The following BBOF1 variants were observed in gnomAD, a reference collection of about 807,000 sequenced individuals.
The protein encoded by BBOF1 is basal body-orientation factor 1.
Under a neutral mutation model 68.0 loss-of-function variants are expected in BBOF1, and 62 were observed. That is an observed-to-expected ratio of 0.91 (90% CI 0.74 to 1.13). The LOEUF (loss-of-function observed/expected upper bound fraction) is 1.13. Ranked by LOEUF, BBOF1 falls within the 50% of genes most tolerant of loss-of-function variation. BBOF1 has a pLI of 0.00. For synonymous variants in BBOF1, 208 were observed against 198.8 expected (o/e 1.05, Z -0.39); for missense variants, 534 against 600.1 (o/e 0.89, Z 1.15).
chr14:74,077,642 C>CA, intron 9 of BBOF1, among the ~76,000 whole-genome samples: 1 of 152,214 alleles, frequency 6.6e-6, no homozygotes, highest in East Asian at 1.9e-4. Context: ...AGAATTCACT[C>CA]ACTACAGCAC....
At chr14:74,068,800 G>A (rs2060508215), downstream of BBOF1, 7 of 1,593,850 alleles carry the variant, frequency 4.4e-6, no homozygotes, top group South Asian at 1.1e-5. Flanking sequence ...CTGAAGGTCT[G>A]TTCCTAGGTA....
Position 74,056,886 on chromosome 14 carries a change from T to C in BBOF1, c.1389-20T>C, listed in dbSNP as rs2060223884. 1.3e-6 allele frequency: 2 copies of C among 1,574,160 alleles called. No individual in the cohort carries two copies. The highest frequency in any genetic ancestry group is 1.7e-6 in the Non-Finnish European group (2 of 1,145,630). On this transcript the variant is annotated intron_variant, in intron 9 of 11. Transcript: ENST00000394009. ...GACACTGCCTCATTCATTATCTTTG[T>C]TGACTTTTACCCACTACAGGAAATA...
intron 11 of BBOF1, among the ~76,000 whole-genome samples, chr14:74,062,324 G>A (rs760011597): frequency 2.0e-5 from 3 of 151,456 alleles, no homozygotes; most frequent in Non-Finnish European, 2.9e-5. Flanking sequence ...TGACTAGGCC[G>A]GGTGCGGTGA....
At chr14:74,024,582 A>G (rs112162624) in intron 2 of BBOF1, among the ~76,000 whole-genome samples, 5,464 of 152,200 alleles carry the variant, frequency 0.036, 288 homozygotes, top group African/African-American at 0.12. Flanking sequence ...CTCCTGCCTC[A>G]GTCTTCCAAG....
chr14:74,057,026 G>A, intron 10 of BBOF1, 46 bp downstream of exon 10: 2 of 1,582,182 alleles, frequency 1.3e-6, no homozygotes, highest in Non-Finnish European at 1.7e-6. Flanking sequence ...CCAACACGAT[G>A]GTTCTTGTGG....
chr14:74,024,308 T>C (rs2059375789), intron 2 of BBOF1, among the ~76,000 whole-genome samples: 1 of 151,778 alleles, frequency 6.6e-6, no homozygotes. Context: ...AAGTAAAAAA[T>C]AGCCAGGCGT....
chr14:74,067,450 G>C (rs775658691), downstream of BBOF1: 5 of 1,614,180 alleles, frequency 3.1e-6, no homozygotes, highest in South Asian at 5.5e-5. Context: ...CTCCCACAAG[G>C]ACTGCTGTTG....
downstream of BBOF1, among the ~76,000 whole-genome samples, chr14:74,070,208 T>C (rs746711279): frequency 6.6e-6 from 1 of 152,084 alleles, no homozygotes; most frequent in Non-Finnish European, 1.5e-5. Context: ...TACTGAACCC[T>C]TCTTTTTTGT....
Position 74,057,226 on chromosome 14 carries a change from A to G in BBOF1, c.1546A>G (p.Thr516Ala), listed in dbSNP as rs1456059534. ...CTCTTCTGGTGAAGTGGTGCTACCCACTATTCCAAAAGAACCTCAGGAGTC... is the reference window on the plus strand; with the variant it reads ...CTCTTCTGGTGAAGTGGTGCTACCCGCTATTCCAAAAGAACCTCAGGAGTC... ...SDSSGEVVLP[T>A]IPKEPQESDT... The change falls in exon 11 of 12, where the codon ACT (threonine) becomes GCT (alanine). Residue 516 changes from threonine (T) to alanine (A), a missense_variant. Coordinates refer to ENST00000394009, the MANE Select transcript of BBOF1 (RefSeq NM_025057.3). 2.5e-6 allele frequency: 4 copies of G among 1,614,024 alleles called. No homozygotes were observed. The highest frequency in any genetic ancestry group is 1.3e-5 in the African/African-American group (1 of 74,946).
intron 9 of BBOF1, among the ~76,000 whole-genome samples, chr14:74,056,397 A>G (rs111348444): frequency 0.016 from 2,440 of 151,726 alleles, 68 homozygotes; most frequent in African/African-American, 0.056. Context: ...ATGGAGTTTT[A>G]CCATGTTATC....
intron 3 of BBOF1, among the ~76,000 whole-genome samples, chr14:74,031,188 A>C (rs1382551995): frequency 2.0e-5 from 3 of 150,632 alleles, no homozygotes; most frequent in Non-Finnish European, 4.4e-5. Flanking sequence ...ATCATGGCTC[A>C]CTGTAACCTC....
chr14:74,059,421 T>C (rs1488222384), intron 11 of BBOF1: 7 of 455,244 alleles, frequency 1.5e-5, no homozygotes, highest in African/African-American at 1.4e-4. Context: ...TCTGGCTGGG[T>C]GTGGTGGCTC....
intron 1 of BBOF1, among the ~76,000 whole-genome samples, chr14:74,020,935 T>C (rs2059274503): frequency 6.6e-6 from 1 of 152,184 alleles, no homozygotes. Context: ...GGAATGGAGC[T>C]GGCCTTAATT....
intron 2 of BBOF1, among the ~76,000 whole-genome samples, chr14:74,023,448 T>C (rs560885257): frequency 6.6e-6 from 1 of 152,330 alleles, no homozygotes; most frequent in East Asian, 1.9e-4. Flanking sequence ...GATCTATATA[T>C]TTTTTGATGC....
intron 1 of BBOF1, among the ~76,000 whole-genome samples, chr14:74,020,534 G>A (rs1424188205): frequency 6.7e-6 from 1 of 149,286 alleles, no homozygotes; most frequent in East Asian, 2.0e-4. Context: ...ACCAAGTTTT[G>A]CTCTTGTTGC....
At chr14:74,079,780 G>C (rs2060653321) in intron 10 of BBOF1, among the ~76,000 whole-genome samples, 1 of 152,130 alleles carries the variant, frequency 6.6e-6, no homozygotes. Flanking sequence ...TGTTGGCCAG[G>C]CTGGTCTTGA....
At position 74,046,113 on chromosome 14, in the gene BBOF1, C is replaced by T. The variant is rs141857440; in HGVS notation, c.630C>T (p.Ala210=). The T allele has an allele frequency of 1.2e-5, 19 of 1,607,764 alleles. No individual in the cohort carries two copies. Among genetic ancestry groups the T allele is most frequent in the Non-Finnish European group, 1.4e-5 (17 of 1,177,146 alleles). ...AGATAATAATGCTAGCAGAGAGAGC[C>T]CACCATGAGGCTATTGTGTAAGAGA... ...EKKIIMLAER[A]HHEAIVQLND... Residue 210 remains alanine, a synonymous_variant, in exon 6 of 12, where the codon GCC becomes GCT. Coordinates refer to ENST00000394009, the MANE Select transcript of BBOF1 (RefSeq NM_025057.3).
chr14:74,057,762 A>G, intron 11 of BBOF1: 1 of 1,129,176 alleles, frequency 8.9e-7, no homozygotes, highest in Non-Finnish European at 1.1e-6. Flanking sequence ...AACAAAAAGA[A>G]AATACTGACT....
chr14:74,029,853 C>G (rs1292259651), intron 3 of BBOF1, among the ~76,000 whole-genome samples: 1 of 152,038 alleles, frequency 6.6e-6, no homozygotes, highest in African/African-American at 2.4e-5. Context: ...GATCATGACT[C>G]TATACTAATA....
Sources: gnomAD v4.1 joint callset for allele counts (sites outside exome capture counted in the v4.1 genomes callset) on GRCh38, gnomAD v4.1.1 for gene constraint, MANE v1.5 for transcripts, NCBI Gene and HGNC (gene_info 2026-07-23, HGNC 2026-07-21) for gene names.